Variants in ADARB2 observed in about 807,000 individuals in gnomAD.
The protein encoded by ADARB2 is inactive double-stranded RNA-specific editase B2.
Under a neutral mutation model 62.2 loss-of-function variants are expected in ADARB2, and 25 were observed. That is an observed-to-expected ratio of 0.40 (90% CI 0.29 to 0.56). ADARB2 has a LOEUF of 0.56. Among genes scored for constraint, ADARB2 ranks in the 20% least tolerant of loss-of-function variants. ADARB2 has a pLI of 0.43. For missense variants in ADARB2, 1,071 were observed against 1,077.4 expected (o/e 0.99, Z 0.08); for synonymous variants, 572 against 500.8 (o/e 1.14, Z -1.90).
chr10:1,262,590 C>T (rs1210997927), intron 4 of ADARB2, among the ~76,000 whole-genome samples: 1 of 152,142 alleles, frequency 6.6e-6, no homozygotes, highest in Non-Finnish European at 1.5e-5. Flanking sequence ...GATACCATCT[C>T]ACACCAGTTA....
At chr10:1,445,277 C>T (rs1054192825) in intron 1 of ADARB2, among the ~76,000 whole-genome samples, 2 of 151,144 alleles carry the variant, frequency 1.3e-5, no homozygotes, top group Non-Finnish European at 3.0e-5. Flanking sequence ...CATCCATCCA[C>T]CCACCCACCC....
chr10:1,550,322 C>G lies in ADARB2; in HGVS notation c.101-171162G>C, dbSNP rs2813354. On this transcript the variant is annotated intron_variant, in intron 1 of 9. Coordinates refer to ENST00000381312, the MANE Select transcript of ADARB2 (RefSeq NM_018702.4). ...TGGAAGTGCTAACCTCAAAGTACCA[C>G]GGAAAATGCCTTCCTAGAGTACCTT... Among the ~76,000 whole-genome samples the G allele has an allele frequency of 4.0e-3, 612 of 152,292 alleles. 8 individuals carry two copies. Among genetic ancestry groups the G allele is most frequent in the African/African-American group, 0.014 (592 of 41,552 alleles).
intron 1 of ADARB2, among the ~76,000 whole-genome samples, chr10:1,612,967 A>C (rs1833589891): frequency 6.6e-6 from 1 of 152,184 alleles, no homozygotes; most frequent in South Asian, 2.1e-4. Flanking sequence ...GTTTTGATGA[A>C]AGCTGTTGAT....
chr10:1,601,335 G>A (rs148164559), intron 1 of ADARB2, among the ~76,000 whole-genome samples: 36 of 152,288 alleles, frequency 2.4e-4, no homozygotes, highest in African/African-American at 7.7e-4. Flanking sequence ...ATCCAGGTTC[G>A]GCTCTGCAGT....
chr10:1,193,148 T>G (rs1164784464), intron 8 of ADARB2, among the ~76,000 whole-genome samples: 7 of 152,234 alleles, frequency 4.6e-5, no homozygotes, highest in African/African-American at 1.7e-4. Context: ...CAAGTTCTGC[T>G]GGGACAGCAG....
intron 1 of ADARB2, among the ~76,000 whole-genome samples, chr10:1,476,462 G>A (rs545279768): frequency 6.6e-6 from 1 of 152,212 alleles, no homozygotes; most frequent in South Asian, 2.1e-4. Flanking sequence ...CAGTTCTTGG[G>A]GGATAAATTC....
intron 7 of ADARB2, among the ~76,000 whole-genome samples, chr10:1,213,278 G>T (rs146072624): frequency 6.6e-6 from 1 of 152,226 alleles, no homozygotes; most frequent in Admixed American, 6.5e-5. Flanking sequence ...GACAGACAGG[G>T]AGAGAGATAC....
intron 3 of ADARB2, among the ~76,000 whole-genome samples, chr10:1,308,986 C>T (rs568871642): frequency 2.0e-5 from 3 of 152,320 alleles, no homozygotes; most frequent in East Asian, 1.9e-4. Flanking sequence ...AGATTTCCTA[C>T]AGGGGAAAAG....
At chr10:1,260,597 G>C (rs903699771) in intron 4 of ADARB2, among the ~76,000 whole-genome samples, 1 of 151,936 alleles carries the variant, frequency 6.6e-6, no homozygotes, top group Non-Finnish European at 1.5e-5. Context: ...ACTTATAAGG[G>C]ATGTGAAGGA....
At chr10:1,581,398 A>G (rs1347559661) in intron 1 of ADARB2, among the ~76,000 whole-genome samples, 2 of 152,316 alleles carry the variant, frequency 1.3e-5, no homozygotes, top group East Asian at 3.9e-4. Flanking sequence ...CGAGGACAGG[A>G]GCTCAGGCGG....
chr10:1,441,218 G>GA (rs909776125), intron 1 of ADARB2, among the ~76,000 whole-genome samples: 2 of 151,956 alleles, frequency 1.3e-5, no homozygotes, highest in African/African-American at 4.8e-5. Context: ...GATTCCTTGG[G>GA]AAAAAAATAG....
intron 4 of ADARB2, among the ~76,000 whole-genome samples, chr10:1,260,178 A>G (rs1268681026): frequency 1.3e-5 from 2 of 152,210 alleles, no homozygotes; most frequent in Admixed American, 6.5e-5. Context: ...ATCTATGACA[A>G]ACCCACAGCC....
intron 1 of ADARB2, among the ~76,000 whole-genome samples, chr10:1,609,616 G>A (rs1275705641): frequency 6.6e-6 from 1 of 152,264 alleles, no homozygotes; most frequent in Non-Finnish European, 1.5e-5. Flanking sequence ...TTTCACATGA[G>A]GGACTGCGTG....
At chr10:1,674,065 A>G (rs562153930) in intron 1 of ADARB2, among the ~76,000 whole-genome samples, 26 of 152,380 alleles carry the variant, frequency 1.7e-4, no homozygotes, top group Non-Finnish European at 1.3e-4. Context: ...AGCTGCTGCA[A>G]TCCCCTGAAG....
At chr10:1,492,955 T>A (rs1470191652) in intron 1 of ADARB2, among the ~76,000 whole-genome samples, 3 of 152,156 alleles carry the variant, frequency 2.0e-5, no homozygotes, top group Admixed American at 6.5e-5. Context: ...CCCACGCACT[T>A]GCCGAGCAAG....
chr10:1,218,965 G>A (rs1830657348), intron 6 of ADARB2, among the ~76,000 whole-genome samples: 1 of 149,842 alleles, frequency 6.7e-6, no homozygotes, highest in South Asian at 2.1e-4. Context: ...CAGGAGAATG[G>A]CCTGAACCCA....
chr10:1,524,704 C>T lies in ADARB2; in HGVS notation c.101-145544G>A, dbSNP rs957638140. On this transcript the variant is annotated intron_variant, in intron 1 of 9. Coordinates refer to ENST00000381312, the MANE Select transcript of ADARB2 (RefSeq NM_018702.4). ...AGAACAGCACAGCCCGGTGGCTGCC[C>T]GGGGGGAGGTGGTAGGCAGGGTCAG... Among the ~76,000 whole-genome samples, 19 of 152,138 alleles carry T rather than the reference C, an allele frequency of 1.2e-4. 1 individual carries two copies. Among genetic ancestry groups the T allele is most frequent in the Middle Eastern group, 3.4e-3 (1 of 294 alleles).
chr10:1,600,620 T>A (rs554043639), intron 1 of ADARB2, among the ~76,000 whole-genome samples: 7 of 122,424 alleles, frequency 5.7e-5, no homozygotes, highest in African/African-American at 2.2e-4. Context: ...CGAAATTGCA[T>A]CACTGCACCC....
chr10:1,673,225 G>C (rs551875963), intron 1 of ADARB2, among the ~76,000 whole-genome samples: 83 of 152,158 alleles, frequency 5.5e-4, no homozygotes, highest in African/African-American at 2.0e-3. Flanking sequence ...ATAATAAAAA[G>C]TAAATATCGT....
Sources: gnomAD v4.1 joint callset for allele counts (sites outside exome capture counted in the v4.1 genomes callset) on GRCh38, gnomAD v4.1.1 for gene constraint, MANE v1.5 for transcripts, NCBI Gene and HGNC (gene_info 2026-07-23, HGNC 2026-07-21) for gene names.